The following CEP126 variants were observed in gnomAD, a reference collection of about 807,000 sequenced individuals.
CEP126 encodes the protein centrosomal protein of 126 kDa.
CEP126 carries 74 observed loss-of-function variants against 107.8 expected under a neutral mutation model. That is an observed-to-expected ratio of 0.69 (90% CI 0.57 to 0.83). The LOEUF (loss-of-function observed/expected upper bound fraction) is 0.83. Ranked by LOEUF, CEP126 falls within the 40% of genes least tolerant of loss-of-function variation. CEP126 has a pLI of 0.00. For synonymous variants in CEP126, 449 were observed against 446.0 expected (o/e 1.01, Z -0.08); for missense variants, 1,237 against 1,281.9 (o/e 0.96, Z 0.53).
chr11:101,979,797 G>A (rs1280980092), intron 7 of CEP126, among the ~76,000 whole-genome samples: 1 of 152,112 alleles, frequency 6.6e-6, no homozygotes, highest in Non-Finnish European at 1.5e-5. Context: ...TTCTGTAAGA[G>A]CTAAGTAAGT....
chr11:101,928,963 A>G (rs1033537880), intron 2 of CEP126, among the ~76,000 whole-genome samples: 6 of 152,198 alleles, frequency 3.9e-5, no homozygotes, highest in East Asian at 1.9e-4. Context: ...CTGTATATCA[A>G]TGTGGGATGG....
chr11:101,997,697 G>A lies in CEP126; in HGVS notation c.*54G>A. On this transcript the variant is annotated 3_prime_UTR_variant, in exon 11 of 11. Transcript: ENST00000263468. Reference sequence around the variant, plus strand: ...TTCATGTACTTCCCTAGGACTAGATGCATACCGTTTTGTGAAAACCAGCCA... The same window carrying A: ...TTCATGTACTTCCCTAGGACTAGATACATACCGTTTTGTGAAAACCAGCCA... 1 of 1,609,594 alleles carries A rather than the reference G, an allele frequency of 6.2e-7. No homozygotes were observed. The highest frequency in any genetic ancestry group is 8.5e-7 in the Non-Finnish European group (1 of 1,177,916).
intron 10 of CEP126, 120 bp from the exon 11 acceptor site, chr11:101,997,479 T>C: frequency 6.7e-7 from 1 of 1,497,828 alleles, no homozygotes; most frequent in Non-Finnish European, 9.0e-7. Context: ...TTAAACTCAT[T>C]ACCTGGGAGA....
chr11:101,997,212 AT>A (rs1460224020), intron 10 of CEP126, among the ~76,000 whole-genome samples: 1 of 151,978 alleles, frequency 6.6e-6, no homozygotes, highest in African/African-American at 2.4e-5. Context: ...TAATTTTTGT[AT>A]TTTCAGTAGA....
In CEP126 at chr11:101,986,919, G is replaced by A; in HGVS notation, c.3122G>A (p.Ser1041Asn). ...GATGAGATTCTGACTGTCTTGAATA[G>A]CAAACAGATACAGAAATCAAATCTA... ...PEDEILTVLNSKQIQKSNLPL... is the reference protein window; with the variant it reads ...PEDEILTVLNNKQIQKSNLPL... Residue 1041 changes from serine (S) to asparagine (N), a missense_variant, in exon 9 of 11, where the codon AGC (serine) becomes AAC (asparagine). This residue lies in a region of CEP126 where 99 missense variants were observed against 114.4 expected (regional missense o/e 0.87). Coordinates refer to ENST00000263468, the MANE Select transcript of CEP126 (RefSeq NM_020802.4). 2 of 1,613,764 alleles carry A rather than the reference G, an allele frequency of 1.2e-6. No homozygotes were observed. The highest frequency in any genetic ancestry group is 1.7e-6 in the Non-Finnish European group (2 of 1,179,824).
intron 4 of CEP126, chr11:101,956,603 C>G (rs914401974): frequency 2.2e-5 from 10 of 456,304 alleles, no homozygotes; most frequent in Admixed American, 2.1e-4. Context: ...CTCATCTATT[C>G]TTTCCTCTTC....
chr11:101,968,866 A>G (rs1565364369), intron 6 of CEP126, among the ~76,000 whole-genome samples: 1 of 152,192 alleles, frequency 6.6e-6, no homozygotes, highest in African/African-American at 2.4e-5. Context: ...TAGAAATAGG[A>G]TATGATTCCT....
chr11:101,941,388 A>T (rs1257789572), intron 2 of CEP126, among the ~76,000 whole-genome samples: 1 of 152,182 alleles, frequency 6.6e-6, no homozygotes, highest in East Asian at 1.9e-4. Flanking sequence ...AAGTGAAATC[A>T]TACAACATTT....
intron 7 of CEP126, among the ~76,000 whole-genome samples, chr11:101,979,164 A>C (rs971438588): frequency 2.6e-5 from 4 of 152,112 alleles, no homozygotes; most frequent in African/African-American, 9.7e-5. Context: ...CTAATCATAA[A>C]GACAACTATA....
rs1482055238 is a variant in CEP126 at position 102,001,024 on chromosome 11, T to G, written c.*3381T>G. Reference sequence around the variant, plus strand: ...ACTAAATTTTGTCAATTTCATGTAATTTACCCTTTGCAATAAAAATGATTC... The same window carrying G: ...ACTAAATTTTGTCAATTTCATGTAAGTTACCCTTTGCAATAAAAATGATTC... On this transcript the variant is annotated 3_prime_UTR_variant, in exon 11 of 11. Transcript: ENST00000263468. 1 of 152,188 alleles carries G rather than the reference T, an allele frequency of 6.6e-6. No individual in the cohort carries two copies. The highest frequency in any genetic ancestry group is 1.5e-5 in the Non-Finnish European group (1 of 68,032). The allele number at this position is 152,188 out of a possible 1,614,324, so 9.4% of individuals were successfully genotyped here.
chr11:101,952,437 A>G (rs1490123879), intron 4 of CEP126, among the ~76,000 whole-genome samples: 1 of 152,236 alleles, frequency 6.6e-6, no homozygotes, highest in Non-Finnish European at 1.5e-5. Context: ...TTAGTTGATG[A>G]AAACAATGAC....
At chr11:101,981,505 G>A (rs1003481764) in intron 7 of CEP126, among the ~76,000 whole-genome samples, 1 of 152,076 alleles carries the variant, frequency 6.6e-6, no homozygotes, top group Non-Finnish European at 1.5e-5. Context: ...GTGTTAGCCA[G>A]GATGGTCTCG....
At chr11:101,925,171 C>G (rs888619593) in intron 2 of CEP126, among the ~76,000 whole-genome samples, 3 of 152,148 alleles carry the variant, frequency 2.0e-5, no homozygotes, top group Non-Finnish European at 4.4e-5. Flanking sequence ...TTTTGCCTCT[C>G]ATAGCATCCC....
chr11:101,985,990 TTC>T (rs1224011834), intron 8 of CEP126, among the ~76,000 whole-genome samples: 1,695 of 129,180 alleles, frequency 0.013, 62 homozygotes, highest in African/African-American at 0.045. Context: ...CTGAATTGAT[TTC>T]TTTTTTTTTT....
rs555740849 is a variant in CEP126 at position 101,923,136 on chromosome 11, G to T, written c.248+376G>T. Among the ~76,000 whole-genome samples the T allele has an allele frequency of 9.2e-5, 14 of 151,980 alleles. No homozygotes were observed. In the East Asian group the frequency reaches 2.7e-3, roughly 29 times the overall value. On this transcript the variant is annotated intron_variant, in intron 2 of 10. Coordinates refer to ENST00000263468, the MANE Select transcript of CEP126 (RefSeq NM_020802.4). ...TTGGTATATAGTTTGAGTTTAATTT[G>T]TTATTCACTTCTATATAATTTTTCT... is the stretch of plus-strand genomic sequence containing the variant.
Position 101,915,134 on chromosome 11 carries a change from A to G in CEP126, c.-151A>G. 8.4e-7 allele frequency: 1 copy of G among 1,194,522 alleles called. No homozygotes were observed. The highest frequency in any genetic ancestry group is 1.2e-6 in the Non-Finnish European group (1 of 862,030). The allele number at this position is 1,194,522 out of a possible 1,614,324, so 74.0% of individuals were successfully genotyped here. A position where few individuals can be genotyped will look rare whatever the true frequency, so the allele number is the denominator to read the frequency against. On this transcript the variant is annotated 5_prime_UTR_variant, in exon 1 of 11. Coordinates refer to ENST00000263468, the MANE Select transcript of CEP126 (RefSeq NM_020802.4). ...ACAGGCACCAGTGCCGCTGCGCGGG[A>G]GCTAGGGCTGTCGAGGCCAACCCTT...
intron 2 of CEP126, among the ~76,000 whole-genome samples, chr11:101,938,129 C>G (rs1398414098): frequency 1.9e-5 from 2 of 106,874 alleles, no homozygotes; most frequent in African/African-American, 6.3e-5. Context: ...GTCCGCAGTC[C>G]GGCCTGGGCG....
intron 4 of CEP126, among the ~76,000 whole-genome samples, chr11:101,950,278 AAGTT>A (rs1286876099): frequency 6.6e-6 from 1 of 152,198 alleles, no homozygotes; most frequent in Admixed American, 6.5e-5. Flanking sequence ...TTGACTGTGA[AAGTT>A]AGAGAGTGAT....
At chr11:101,970,603 AAG>A (rs1183165605) in intron 6 of CEP126, among the ~76,000 whole-genome samples, 2 of 152,172 alleles carry the variant, frequency 1.3e-5, no homozygotes, top group Admixed American at 6.5e-5. Flanking sequence ...TGATTTCAAA[AAG>A]AATATTTTTT....
Sources: allele counts gnomAD v4.1 joint callset (sites outside exome capture counted in the v4.1 genomes callset), GRCh38; gene constraint gnomAD v4.1.1; regional missense constraint gnomAD v4.1.1; transcripts MANE v1.5; gene names NCBI Gene and HGNC (gene_info 2026-07-23, HGNC 2026-07-21).